The following GPHN variants were observed in gnomAD, a reference collection of about 807,000 sequenced individuals.
GPHN encodes gephyrin.
GPHN carries 17 observed loss-of-function variants against 95.5 expected under a neutral mutation model. That is an observed-to-expected ratio of 0.18 (90% confidence interval 0.12 to 0.27). The LOEUF is 0.27. GPHN is among the 10% of genes least tolerant of loss of function. The pLI is 1.00. For missense variants in GPHN, 660 were observed against 978.1 expected (o/e 0.67, Z 4.34); for synonymous variants, 320 against 322.5 (o/e 0.99, Z 0.08).
At chr14:66,899,492 C>T (rs763042336) in intron 5 of GPHN, among the ~76,000 whole-genome samples, 61 of 151,722 alleles carry the variant, frequency 4.0e-4, no homozygotes, top group African/African-American at 1.3e-3. Context: ...TGATTTTGTC[C>T]GGTGAATTTC....
chr14:66,727,217 G>A (rs2071329563), intron 2 of GPHN, among the ~76,000 whole-genome samples: 1 of 152,188 alleles, frequency 6.6e-6, no homozygotes, highest in African/African-American at 2.4e-5. Context: ...TACCATGATT[G>A]TGAGGCCTCC....
the GPHN span, among the ~76,000 whole-genome samples, chr14:67,255,308 T>A: frequency 9.8e-5 from 15 of 152,324 alleles, no homozygotes; most frequent in African/African-American, 3.4e-4. Flanking sequence ...GTAATTAGGA[T>A]TCTTTGAGTT....
the GPHN span, among the ~76,000 whole-genome samples, chr14:67,609,273 C>G: frequency 6.6e-6 from 1 of 152,112 alleles, no homozygotes; most frequent in African/African-American, 2.4e-5. Context: ...GGAATACTTA[C>G]GCTTACTGGT....
At chr14:67,576,177 C>A in the GPHN span, among the ~76,000 whole-genome samples, 4 of 152,216 alleles carry the variant, frequency 2.6e-5, no homozygotes, top group Non-Finnish European at 5.9e-5. The surrounding 1 kb of genome is among the most constrained non-coding windows in gnomAD (Gnocchi z 4.0). Flanking sequence ...TTCCCAGTGA[C>A]CAACATTGCT....
the GPHN span, among the ~76,000 whole-genome samples, chr14:67,511,168 C>T: frequency 6.6e-6 from 1 of 152,030 alleles, no homozygotes; most frequent in Non-Finnish European, 1.5e-5. Flanking sequence ...AATGAATGGG[C>T]CAGCTAGATG....
chr14:67,303,529 T>G, the GPHN span: 6 of 1,612,712 alleles, frequency 3.7e-6, no homozygotes, highest in Admixed American at 1.0e-4. Flanking sequence ...CAGTCTGATA[T>G]GCATGGTACT....
At chr14:67,724,580 T>A in the GPHN span, 3 of 1,612,966 alleles carry the variant, frequency 1.9e-6, no homozygotes, top group Non-Finnish European at 2.5e-6. Context: ...GCCAGAGAGC[T>A]CGCTAGCCGA....
At chr14:67,562,370 G>A in the GPHN span, 13 of 1,613,510 alleles carry the variant, frequency 8.1e-6, no homozygotes, top group Non-Finnish European at 1.1e-5. Context: ...GGTCCATTCT[G>A]GGGAAACAGT....
intron 9 of GPHN, among the ~76,000 whole-genome samples, chr14:66,981,697 A>G (rs1409600324): frequency 6.6e-6 from 1 of 152,126 alleles, no homozygotes; most frequent in Non-Finnish European, 1.5e-5. Flanking sequence ...AAAATGGCCA[A>G]CTCCTTAGCA....
At chr14:67,324,535 G>A in the GPHN span, among the ~76,000 whole-genome samples, 8,749 of 152,064 alleles carry the variant, frequency 0.058, 519 homozygotes, top group African/African-American at 0.15. Flanking sequence ...GTCATTAAAA[G>A]CATATTTACA....
intron 1 of GPHN, among the ~76,000 whole-genome samples, chr14:66,648,236 A>G (rs1247918211): frequency 6.6e-6 from 1 of 152,184 alleles, no homozygotes; most frequent in African/African-American, 2.4e-5. Context: ...ATTTATAAAG[A>G]TTACAATATT....
At chr14:66,574,477 T>C (rs1363216013) in intron 1 of GPHN, among the ~76,000 whole-genome samples, 1 of 152,250 alleles carries the variant, frequency 6.6e-6, no homozygotes, top group African/African-American at 2.4e-5. Flanking sequence ...GAGTATATTC[T>C]TAGCTTACAG....
intron 2 of GPHN, among the ~76,000 whole-genome samples, chr14:66,706,707 A>T (rs1354512921): frequency 1.3e-5 from 2 of 152,170 alleles, no homozygotes; most frequent in African/African-American, 4.8e-5. Context: ...AACTATAAAA[A>T]CCCTAGAAGA....
intron 5 of GPHN, among the ~76,000 whole-genome samples, chr14:66,896,580 C>T (rs1482639175): frequency 6.6e-6 from 1 of 151,990 alleles, no homozygotes; most frequent in Non-Finnish European, 1.5e-5. Context: ...CCACTGCACT[C>T]GCCTGGGGTA....
intron 1 of GPHN, among the ~76,000 whole-genome samples, chr14:66,583,867 G>A (rs1402768638): frequency 3.3e-5 from 5 of 151,692 alleles, no homozygotes; most frequent in Admixed American, 6.6e-5. Flanking sequence ...TTGGCAATGC[G>A]GGCTCTTTTT....
intron 1 of GPHN, among the ~76,000 whole-genome samples, chr14:66,583,427 T>G (rs1304272032): frequency 1.3e-5 from 2 of 152,174 alleles, no homozygotes; most frequent in African/African-American, 4.8e-5. Context: ...TTGTTGCCAT[T>G]GCTTTTGGTG....
In GPHN at chr14:67,102,782, A is replaced by C. The variant is rs145935583; in HGVS notation, c.1293+1871A>C. ...GCCTTTCTTCCTTGGCTTAGCATGGACTAACACTAGAAACGAGTTGAGATA... is the reference window on the plus strand; with the variant it reads ...GCCTTTCTTCCTTGGCTTAGCATGGCCTAACACTAGAAACGAGTTGAGATA... On this transcript the variant is annotated intron_variant, in intron 13 of 22. Transcript: ENST00000478722. Among the ~76,000 whole-genome samples, 582 of 152,326 alleles carry C rather than the reference A, an allele frequency of 3.8e-3. 12 individuals are homozygous for C. Among genetic ancestry groups the C allele is most frequent in the East Asian group, 0.017 (90 of 5,186 alleles).
chr14:67,409,874 G>A, the GPHN span, among the ~76,000 whole-genome samples: 1 of 152,202 alleles, frequency 6.6e-6, no homozygotes, highest in African/African-American at 2.4e-5. Context: ...TAAGAGTAGA[G>A]GGGATATGGA....
intron 3 of GPHN, among the ~76,000 whole-genome samples, chr14:66,809,656 C>T (rs111726045): frequency 5.3e-4 from 81 of 152,188 alleles, no homozygotes; most frequent in African/African-American, 1.7e-3. Flanking sequence ...TCTATTTGCT[C>T]CTCCAATTAA....
Sources: allele counts gnomAD v4.1 joint callset (sites outside exome capture counted in the v4.1 genomes callset), GRCh38; gene constraint gnomAD v4.1.1; non-coding constraint Gnocchi (gnomAD v3.1); transcripts MANE v1.5; gene names NCBI Gene and HGNC (gene_info 2026-07-23, HGNC 2026-07-21).